Variants in CCDC32 observed in about 807,000 individuals in gnomAD.
CCDC32 encodes coiled-coil domain-containing protein 32.
In CCDC32, 9 loss-of-function variants were observed where a neutral mutation model predicts 20.1. The observed-to-expected ratio is 0.45, with a 90% CI of 0.27 to 0.78. The LOEUF (loss-of-function observed/expected upper bound fraction) is 0.78. CCDC32 is among the 30% of genes least tolerant of loss of function. CCDC32 has a pLI of 0.16. For synonymous variants in CCDC32, 63 were observed against 79.0 expected (o/e 0.80, Z 1.07); for missense variants, 204 against 215.5 (o/e 0.95, Z 0.33).
chr15:40,542,726 G>C (rs549041128), intron 3 of CCDC32, among the ~76,000 whole-genome samples: 1 of 152,012 alleles, frequency 6.6e-6, no homozygotes, highest in African/African-American at 2.4e-5. Context: ...AAAATTAGCC[G>C]GGCATGGTGG....
downstream of CCDC32, among the ~76,000 whole-genome samples, chr15:40,551,342 A>G (rs1420959067): frequency 2.0e-5 from 3 of 152,098 alleles, no homozygotes; most frequent in African/African-American, 7.2e-5. Flanking sequence ...AGATGGCGCC[A>G]CTGCACTCCA....
At chr15:40,543,233 T>C (rs1012151407) in intron 3 of CCDC32, among the ~76,000 whole-genome samples, 2 of 151,936 alleles carry the variant, frequency 1.3e-5, no homozygotes, top group Non-Finnish European at 2.9e-5. Flanking sequence ...TTATCTAACC[T>C]CCCCAGTGGT....
downstream of CCDC32, among the ~76,000 whole-genome samples, chr15:40,532,964 C>G (rs548307675): frequency 1.3e-5 from 2 of 152,086 alleles, no homozygotes; most frequent in South Asian, 4.1e-4. Context: ...CTCAGCTTCT[C>G]AAAGTGTTGG....
At chr15:40,528,553 T>C (rs1359975610), downstream of CCDC32, 2 of 548,620 alleles carry the variant, frequency 3.6e-6, no homozygotes, top group Non-Finnish European at 3.2e-6. Flanking sequence ...TGGTTGGGCA[T>C]GAGGTAGAGG....
chr15:40,522,102 A>T, the CCDC32 span, among the ~76,000 whole-genome samples: 2 of 152,142 alleles, frequency 1.3e-5, no homozygotes, highest in South Asian at 2.1e-4. Flanking sequence ...CAGATTATTT[A>T]AAAAAAGAGA....
At chr15:40,549,572 G>A (rs1889756680), downstream of CCDC32, among the ~76,000 whole-genome samples, 2 of 152,118 alleles carry the variant, frequency 1.3e-5, no homozygotes, top group African/African-American at 2.4e-5. Context: ...GAATTAATGA[G>A]GTAGGCTCTA....
intron 2 of CCDC32, chr15:40,562,224 A>G (rs1252747654): frequency 6.6e-6 from 1 of 152,346 alleles, no homozygotes; most frequent in Non-Finnish European, 1.5e-5. Context: ...ATGCCAAGAA[A>G]TCAAACACAG....
At chr15:40,532,315 A>C (rs1172566049), downstream of CCDC32, 3 of 702,852 alleles carry the variant, frequency 4.3e-6, no homozygotes, top group African/African-American at 3.5e-5. Context: ...GGAAAAGAAG[A>C]GTACGTAGAT....
chr15:40,564,373 A>G (rs963284453), intron 1 of CCDC32, among the ~76,000 whole-genome samples: 5 of 152,120 alleles, frequency 3.3e-5, no homozygotes, highest in African/African-American at 1.2e-4. Flanking sequence ...CACATTACTG[A>G]TATGTGGGGA....
At chr15:40,532,719 T>G (rs866800048), downstream of CCDC32, among the ~76,000 whole-genome samples, 6 of 135,486 alleles carry the variant, frequency 4.4e-5, no homozygotes, top group Admixed American at 4.3e-4. Context: ...TCTTTCTTTT[T>G]TTTTTTTTTT....
intron 3 of CCDC32, among the ~76,000 whole-genome samples, chr15:40,547,338 G>A (rs1471849583): frequency 2.6e-5 from 4 of 152,128 alleles, no homozygotes; most frequent in Non-Finnish European, 5.9e-5. Flanking sequence ...AGGCAGGGCA[G>A]GGCAGGGTTG....
chr15:40,530,870 C>A (rs918717132), downstream of CCDC32, among the ~76,000 whole-genome samples: 1 of 151,258 alleles, frequency 6.6e-6, no homozygotes, highest in Middle Eastern at 3.4e-3. Context: ...CGCCACCACC[C>A]GGCTAATTTT....
At chr15:40,563,965 C>A (rs1219048612) in intron 1 of CCDC32, among the ~76,000 whole-genome samples, 1 of 152,076 alleles carries the variant, frequency 6.6e-6, no homozygotes, top group East Asian at 1.9e-4. Flanking sequence ...GGACTACAGG[C>A]ACTCGCCACC....
chr15:40,530,401 T>C (rs769085925), downstream of CCDC32, among the ~76,000 whole-genome samples: 142 of 150,576 alleles, frequency 9.4e-4, 4 homozygotes, highest in Non-Finnish European at 1.0e-3. Flanking sequence ...GTCCTTATGG[T>C]AGTGAGTGAG....
chr15:40,524,437 C>G (rs529752284), downstream of CCDC32, among the ~76,000 whole-genome samples: 14 of 151,236 alleles, frequency 9.3e-5, no homozygotes, highest in East Asian at 1.6e-3. Flanking sequence ...GATTACAGGC[C>G]TGAGCCACCG....
downstream of CCDC32, among the ~76,000 whole-genome samples, chr15:40,526,638 C>T (rs1449928935): frequency 2.0e-5 from 3 of 152,136 alleles, no homozygotes; most frequent in African/African-American, 4.8e-5. Context: ...GCTGGCTGGG[C>T]GCAGTGGCTC....
chr15:40,551,353 G>A (rs577685566), downstream of CCDC32, among the ~76,000 whole-genome samples: 4 of 152,198 alleles, frequency 2.6e-5, no homozygotes, highest in South Asian at 2.1e-4. Context: ...CTGCACTCCA[G>A]CCTGGGCAAG....
At chr15:40,534,274 C>T (rs1198483681), downstream of CCDC32, 2 of 152,456 alleles carry the variant, frequency 1.3e-5, no homozygotes, top group South Asian at 2.1e-4. Context: ...GGAGAAAGCC[C>T]TCTTCTGGGT....
intron 3 of CCDC32, among the ~76,000 whole-genome samples, chr15:40,544,239 G>A (rs1454090464): frequency 1.3e-5 from 2 of 152,008 alleles, no homozygotes; most frequent in Admixed American, 6.6e-5. Context: ...TTTGAGACAG[G>A]ATCTTGCTCT....
Sources: gnomAD v4.1 joint callset for allele counts (sites outside exome capture counted in the v4.1 genomes callset) on GRCh38, gnomAD v4.1.1 for gene constraint, MANE v1.5 for transcripts, NCBI Gene and HGNC (gene_info 2026-07-23, HGNC 2026-07-21) for gene names.